Variants in UBAC1 observed in about 807,000 individuals in gnomAD.
The protein encoded by UBAC1 is UBA domain containing 1, also known as ubiquitin-associated domain-containing protein 1.
UBAC1 carries 27 observed loss-of-function variants against 45.9 expected under a neutral mutation model. That is an observed-to-expected ratio of 0.59 (90% CI 0.43 to 0.81). The LOEUF (loss-of-function observed/expected upper bound fraction) is 0.81, where lower values mean the gene tolerates loss of function less well. Ranked by LOEUF, UBAC1 falls within the 30% of genes least tolerant of loss-of-function variation. The pLI is 0.00. For synonymous variants in UBAC1, 227 were observed against 215.5 expected (o/e 1.05, Z -0.47); for missense variants, 529 against 539.2 (o/e 0.98, Z 0.19).
chr9:135,946,430 A>G (rs537956171), intron 4 of UBAC1, 59 bp from the exon 5 acceptor site: 1 of 1,089,972 alleles, frequency 9.2e-7, no homozygotes, highest in African/African-American at 1.5e-5. Context: ...ACTTGGATCT[A>G]TGACTTGCTC....
intron 8 of UBAC1, 76 bp downstream of exon 8, chr9:135,939,596 TC>T: frequency 1.4e-6 from 2 of 1,405,432 alleles, no homozygotes; most frequent in South Asian, 1.3e-5. Context: ...CCACACTCAC[TC>T]ACCACAGCCC....
chr9:135,952,196 C>A (rs1229918362), intron 3 of UBAC1, among the ~76,000 whole-genome samples: 1 of 152,218 alleles, frequency 6.6e-6, no homozygotes, highest in African/African-American at 2.4e-5. Context: ...AGGAGGGGAC[C>A]CAAGCCCAGG....
intron 6 of UBAC1, chr9:135,945,529 G>T: frequency 2.0e-6 from 1 of 507,702 alleles, no homozygotes. Flanking sequence ...ACCACAGGGG[G>T]AACTGCCCCC....
At chr9:135,949,761 G>A (rs906636081) in intron 3 of UBAC1, among the ~76,000 whole-genome samples, 1 of 152,248 alleles carries the variant, frequency 6.6e-6, no homozygotes, top group Non-Finnish European at 1.5e-5. Flanking sequence ...GCAGTTGCCC[G>A]TGCGTGGCTG....
intron 7 of UBAC1, 102 bp from the exon 8 acceptor site, chr9:135,939,861 T>C (rs1333968786): frequency 1.1e-6 from 1 of 937,080 alleles, no homozygotes; most frequent in Non-Finnish European, 1.7e-6. Context: ...TAGCGGAGGG[T>C]GCTCCCAACA....
intron 2 of UBAC1, among the ~76,000 whole-genome samples, chr9:135,954,739 G>A (rs1839445994): frequency 6.6e-6 from 1 of 152,182 alleles, no homozygotes; most frequent in Admixed American, 6.5e-5. Flanking sequence ...GCTCATCCTC[G>A]GCCCACGACG....
At chr9:135,942,980 C>T (rs1375491584) in intron 7 of UBAC1, among the ~76,000 whole-genome samples, 1 of 152,198 alleles carries the variant, frequency 6.6e-6, no homozygotes, top group Non-Finnish European at 1.5e-5. Flanking sequence ...TCAGAGTGAA[C>T]AGACAACCTA....
At chr9:135,944,989 A>C in intron 7 of UBAC1, 39 bp downstream of exon 7, 1 of 1,579,784 alleles carries the variant, frequency 6.3e-7, no homozygotes, top group Middle Eastern at 1.7e-4. Flanking sequence ...AAGGGAAGAC[A>C]CAGCGACTCT....
intron 9 of UBAC1, among the ~76,000 whole-genome samples, chr9:135,936,998 C>T (rs1293608512): frequency 6.6e-6 from 1 of 152,188 alleles, no homozygotes; most frequent in Non-Finnish European, 1.5e-5. Flanking sequence ...AAGAGAAAAG[C>T]AGGCCAAACG....
At chr9:135,933,625 T>C (rs1839172018) in intron 9 of UBAC1, 110 bp from the exon 10 acceptor site, 2 of 764,228 alleles carry the variant, frequency 2.6e-6, no homozygotes, top group Non-Finnish European at 4.6e-6. Flanking sequence ...GCGTCTCCAA[T>C]ACAAAGGCCA....
intron 9 of UBAC1, 93 bp from the exon 10 acceptor site, chr9:135,933,608 A>C: frequency 1.1e-6 from 1 of 884,806 alleles, no homozygotes; most frequent in East Asian, 2.4e-5. Context: ...TTCCTAATGA[A>C]GAGGGTGCGT....
At chr9:135,958,082 C>T (rs1408593129) in intron 1 of UBAC1, among the ~76,000 whole-genome samples, 10 of 127,374 alleles carry the variant, frequency 7.9e-5, no homozygotes, top group African/African-American at 2.7e-4. Context: ...AGTCTCTCTC[C>T]GTCGCCCAGG....
At chr9:135,954,117 C>A (rs113865015) in intron 2 of UBAC1, among the ~76,000 whole-genome samples, 2 of 135,232 alleles carry the variant, frequency 1.5e-5, no homozygotes, top group African/African-American at 2.8e-5. Context: ...CCAGCCTGGG[C>A]AACAGAGCAA....
At chr9:135,953,283 G>A (rs763727765) in intron 3 of UBAC1, among the ~76,000 whole-genome samples, 1 of 152,066 alleles carries the variant, frequency 6.6e-6, no homozygotes, top group Non-Finnish European at 1.5e-5. Context: ...CTAGTATAGA[G>A]AACTTCTTTA....
At chr9:135,946,857 G>T (rs1381322506) in intron 4 of UBAC1, among the ~76,000 whole-genome samples, 1 of 152,202 alleles carries the variant, frequency 6.6e-6, no homozygotes, top group Non-Finnish European at 1.5e-5. Flanking sequence ...AACAGCTCCT[G>T]GCTACAGGGC....
In UBAC1 at chr9:135,945,877, C is replaced by G. The variant is rs781500099; in HGVS notation, c.653+12G>C. 6.2e-7 allele frequency: 1 copy of G among 1,611,438 alleles called. No homozygotes were observed. The highest frequency in any genetic ancestry group is 1.7e-5 in the Admixed American group (1 of 59,958). On this transcript the variant is annotated intron_variant, in intron 6 of 9. Coordinates refer to ENST00000371756, the MANE Select transcript of UBAC1 (RefSeq NM_016172.3). ...TGTCTCCGGCAAGGGAAGGAGGTGG[C>G]CCCCCACGCACTGGTTCAGCTGAAG...
chr9:135,939,274 A>AAAAAAAC (rs199742576), intron 8 of UBAC1, among the ~76,000 whole-genome samples: 3,585 of 152,212 alleles, frequency 0.024, 53 homozygotes, highest in African/African-American at 0.024. Flanking sequence ...GCACCCTTTT[A>AAAAAAAC]AAAACCTAGA....
intron 8 of UBAC1, 122 bp from the exon 9 acceptor site, chr9:135,938,482 G>C (rs1839225869): frequency 7.9e-7 from 1 of 1,272,938 alleles, no homozygotes; most frequent in African/African-American, 1.5e-5. Flanking sequence ...CCCCAGGGCT[G>C]ATCTCCCTGG....
Position 135,945,103 on chromosome 9 carries a change from A to G in UBAC1, c.801T>C (p.Asp267=), listed in dbSNP as rs1839312142. 3.1e-6 allele frequency: 5 copies of G among 1,606,120 alleles called. No homozygotes were observed. In the South Asian group the frequency reaches 5.5e-5, roughly 18 times the overall value. ...SEAAAGASAT[D]EEARDELTEI... is the part of the protein sequence containing the mutation. Reference sequence around the variant, plus strand: ...CCGTCAGCTCATCTCTGGCCTCCTCATCGGTGGCGCTGGCTCCCGCGGCAG... The same window carrying G: ...CCGTCAGCTCATCTCTGGCCTCCTCGTCGGTGGCGCTGGCTCCCGCGGCAG... The change falls in exon 7 of 10, where the codon GAT becomes GAC. Residue 267 remains aspartate, a synonymous_variant. Transcript: ENST00000371756.
Sources: allele counts gnomAD v4.1 joint callset (sites outside exome capture counted in the v4.1 genomes callset), GRCh38; gene constraint gnomAD v4.1.1; transcripts MANE v1.5; gene names NCBI Gene and HGNC (gene_info 2026-07-23, HGNC 2026-07-21).